The following ROBO4 variants were observed in gnomAD, a reference collection of about 807,000 sequenced individuals.
ROBO4 encodes the protein roundabout homolog 4.
Under a neutral mutation model 103.3 loss-of-function variants are expected in ROBO4, and 80 were observed. The ratio of observed to expected loss-of-function variants is 0.77; its 90% CI spans 0.65 to 0.93. The LOEUF (loss-of-function observed/expected upper bound fraction) is 0.93, where lower values mean the gene tolerates loss of function less well. Among genes scored for constraint, ROBO4 ranks in the 40% least tolerant of loss-of-function variants. The probability of loss-of-function intolerance (pLI) is 0.00; values close to 1 mark genes in which losing one functional copy is unlikely to be tolerated. For missense variants in ROBO4, 1,333 were observed against 1,305.3 expected, an observed-to-expected ratio of 1.02 and a Z score of -0.33; for synonymous variants, 504 against 529.7, an observed-to-expected ratio of 0.95 and a Z score of 0.67.
chr11:124,895,830 A>C lies in ROBO4; in HGVS notation c.762T>G (p.Pro254=), dbSNP rs1375376243. 4 of 1,614,130 alleles carry C rather than the reference A, an allele frequency of 2.5e-6. No homozygotes were observed. The change falls in exon 5 of 18, where the codon CCT becomes CCG. Residue 254 remains proline (P), a synonymous_variant. Transcript: ENST00000306534. ...LENVTLLNPD[P]AEGPKPRPAV... ...CCGGTCTAGGCTTGGGGCCCTCTGC[A>C]GGATCCGGGTTCAGCAGTGTCACAT...
Position 124,887,099 on chromosome 11 carries a change from G to A in ROBO4, c.2313C>T (p.Ser771=), listed in dbSNP as rs754650509. The A allele has an allele frequency of 1.1e-5, 18 of 1,613,726 alleles. No individual in the cohort carries two copies. In the East Asian group the frequency reaches 3.3e-4, roughly 30 times the overall value. ...AGCTGGACAGGCGACTGGAAGCTGG[G>A]CTGGGGCCAGAGAGGGAAGAGGCCT... ...SPQASSLSGP[S]PASSRLSSSS... is the part of the protein sequence containing the mutation. Residue 771 remains serine, a synonymous_variant, in exon 15 of 18, where the codon AGC becomes AGT. Coordinates refer to ENST00000306534, the MANE Select transcript of ROBO4 (RefSeq NM_019055.6).
intron 1 of ROBO4, 103 bp downstream of exon 1, chr11:124,897,622 TG>T: frequency 1.1e-6 from 1 of 938,048 alleles, no homozygotes; most frequent in Non-Finnish European, 1.7e-6. Flanking sequence ...TCCTCATCTC[TG>T]GTCCCCCCAC....
chr11:124,890,932 C>G (rs996039489), intron 12 of ROBO4, among the ~76,000 whole-genome samples: 1 of 152,230 alleles, frequency 6.6e-6, no homozygotes, highest in Non-Finnish European at 1.5e-5. Flanking sequence ...TCAACACTTT[C>G]GTTAGACAGG....
Position 124,894,255 on chromosome 11 carries a change from C to T in ROBO4, c.1264G>A (p.Ala422Thr), listed in dbSNP as rs1294053683. 5.0e-6 allele frequency: 8 copies of T among 1,613,934 alleles called. No homozygotes were observed. The highest frequency in any genetic ancestry group is 1.1e-5 in the South Asian group (1 of 91,076). Reference protein sequence around the residue: ...MPGSYCVQVAAVTGAGAGEPS... With the variant: ...MPGSYCVQVATVTGAGAGEPS... ...TCCCCAGCTCCAGCACCAGTGACTG[C>T]AGCCACTTGCACGCAGTAGGAGCCT... The change falls in exon 8 of 18, where the codon GCA (alanine) becomes ACA (threonine). Residue 422 changes from alanine to threonine, a missense_variant. By Grantham distance (58) the Ala-to-Thr change is moderately conservative (BLOSUM62 0). Transcript: ENST00000306534.
In ROBO4 at chr11:124,895,242, T is replaced by A. The variant is rs759651674; in HGVS notation, c.1037-49A>T. 5.5e-6 allele frequency: 8 copies of A among 1,445,370 alleles called. No individual in the cohort carries two copies. The South Asian group carries it at 8.1e-5, about 15-fold the overall frequency. 89.5% of individuals were successfully genotyped at this position (1,445,370 alleles called of 1,614,324 possible). On this transcript the variant is annotated intron_variant, in intron 6 of 17. Transcript: ENST00000306534. ...TGAGGGGCTCTGAGGGAGAGGACTC[T>A]AGGGAAAGGAGCTGGGCTGGGGGAC... is the stretch of plus-strand genomic sequence containing the variant.
rs752482331 is a variant in ROBO4 at position 124,887,191 on chromosome 11, G to C, written c.2221C>G (p.Pro741Ala). The C allele has an allele frequency of 6.3e-7, 1 of 1,597,516 alleles. No homozygotes were observed. The highest frequency in any genetic ancestry group is 2.2e-5 in the East Asian group (1 of 44,636). ...QTQPPVAPQA[P>A]SSILLPAAPI... ...GCTGCTGGCAGCAGGATGGAGGAGG[G>C]AGCCTGTGGTGCCACCGGAGGCCTG... The change falls in exon 15 of 18, where the codon CCC becomes GCC. Residue 741 changes from proline (P) to alanine (A), a missense_variant. Physicochemically the swap from Pro to Ala is conservative, Grantham distance 27 (BLOSUM62 -1). Transcript: ENST00000306534.
Position 124,891,582 on chromosome 11 carries a change from A to G in ROBO4, c.1685-20T>C. ...AGAGCACTGTGACATAAATGACAGG[A>G]GGAATTATGGTGAGCATGTCCTGCT... On this transcript the variant is annotated intron_variant, in intron 11 of 17. Transcript: ENST00000306534. The G allele has an allele frequency of 6.2e-7, 1 of 1,614,200 alleles. No homozygotes were observed. The highest frequency in any genetic ancestry group is 8.5e-7 in the Non-Finnish European group (1 of 1,180,028).
intron 10 of ROBO4, 86 bp from the exon 11 acceptor site, chr11:124,891,888 G>A (rs1946805669): frequency 1.4e-6 from 2 of 1,436,336 alleles, no homozygotes; most frequent in Non-Finnish European, 1.9e-6. Flanking sequence ...TTCAGAGGCA[G>A]CAGAAGAGGG....
rs1268264224 is a variant in ROBO4, at chr11:124,887,452, G to A, written c.2104C>T (p.Leu702Phe). The part of the protein sequence containing the change: ...LVAWRALGPK[L>F]LSSSNELVTR... Reference sequence around the variant, plus strand: ...ACCAGCTCATTTGAGGAGCTGAGGAGTTTCGGTCCCAGGGCCCGCCAGGCA... The same window carrying A: ...ACCAGCTCATTTGAGGAGCTGAGGAATTTCGGTCCCAGGGCCCGCCAGGCA... Residue 702 changes from leucine to phenylalanine, a missense_variant, in exon 14 of 18, where the codon CTC becomes TTC. Transcript: ENST00000306534. 28 of 1,614,034 alleles carry A rather than the reference G, an allele frequency of 1.7e-5. No individual in the cohort carries two copies. The highest frequency in any genetic ancestry group is 3.3e-5 in the Admixed American group (2 of 60,016).
chr11:124,885,325 AC>A, intron 16 of ROBO4, 78 bp from the exon 17 acceptor site: 1 of 1,251,442 alleles, frequency 8.0e-7, no homozygotes, highest in Non-Finnish European at 1.1e-6. Flanking sequence ...AAAGCTTAGG[AC>A]CAGCTCAGGG....
chr11:124,886,111 A>G (rs145096709), intron 16 of ROBO4, among the ~76,000 whole-genome samples: 3,269 of 152,296 alleles, frequency 0.021, 53 homozygotes, highest in Middle Eastern at 0.031. Context: ...GAATCTCTTG[A>G]ACCTGGGAGG....
chr11:124,893,022 A>C (rs1946823277), intron 10 of ROBO4: 1 of 154,154 alleles, frequency 6.5e-6, no homozygotes, highest in Non-Finnish European at 1.4e-5. Context: ...GCAGACCTGG[A>C]GTGGGAAGCC....
chr11:124,897,709 G>T lies in ROBO4; in HGVS notation c.70+17C>A. ...TTGGATGGAGGAGCATGGGCCAGGA[G>T]AGGGAGAGCAACTCACCCATGATGA... On this transcript the variant is annotated intron_variant, in intron 1 of 17. Transcript: ENST00000306534. 6.2e-7 allele frequency: 1 copy of T among 1,612,112 alleles called. No individual in the cohort carries two copies. Among genetic ancestry groups the T allele is most frequent in the South Asian group, 1.1e-5 (1 of 91,028 alleles).
At position 124,884,884 on chromosome 11, in the gene ROBO4, A is replaced by G; in HGVS notation, c.*7T>C. On this transcript the variant is annotated 3_prime_UTR_variant, in exon 18 of 18. Transcript: ENST00000306534. ...GATTCCCGTCTGGGAAGTCTCAGGG[A>G]CACGGTTCAGGAGTAATCTACAGGA... 1 of 1,614,194 alleles carries G rather than the reference A, an allele frequency of 6.2e-7. No individual in the cohort carries two copies. Among genetic ancestry groups the G allele is most frequent in the Non-Finnish European group, 8.5e-7 (1 of 1,180,028 alleles).
rs1407892374 is a variant in ROBO4, at chr11:124,885,248, C to A, written c.2795-1G>T. 1 of 1,609,090 alleles carries A rather than the reference C, an allele frequency of 6.2e-7. No homozygotes were observed. The highest frequency in any genetic ancestry group is 1.1e-5 in the South Asian group (1 of 91,056). ...CGTGGGGAGGGAGGTGATGAGGCAT[C>A]TGTCAGGGAGGGTAGAGGTGTCTGT... On this transcript the variant is annotated splice_acceptor_variant, in intron 16 of 17. Transcript: ENST00000306534. LOFTEE classifies it high-confidence loss of function.
In ROBO4 at chr11:124,896,309, C is replaced by T. The variant is rs949158324; in HGVS notation, c.568G>A (p.Gly190Arg). Reference sequence around the variant, plus strand: ...TCTGCTCTTGCCATCAGCAGGGACCCCCCGGACACCTGTCAGGGCCAGGTT... The same window carrying T: ...TCTGCTCTTGCCATCAGCAGGGACCTCCCGGACACCTGTCAGGGCCAGGTT... ...LQPGRHTVSG[G>R]SLLMARAEKS... Residue 190 changes from glycine (G) to arginine (R), a missense_variant, in exon 4 of 18, where the codon GGG becomes AGG. Coordinates refer to ENST00000306534, the MANE Select transcript of ROBO4 (RefSeq NM_019055.6). The T allele has an allele frequency of 1.2e-6, 2 of 1,614,054 alleles. No individual in the cohort carries two copies. The highest frequency in any genetic ancestry group is 1.1e-5 in the South Asian group (1 of 91,080).
At chr11:124,891,210 C>G in intron 12 of ROBO4, 89 bp downstream of exon 12, 1 of 1,450,592 alleles carries the variant, frequency 6.9e-7, no homozygotes, top group Non-Finnish European at 9.1e-7. Flanking sequence ...GCACGCCCCT[C>G]CAGGCTTTGA....
Position 124,887,218 on chromosome 11 carries a change from T to C in ROBO4, c.2199-5A>G, listed in dbSNP as rs781630185. 1.9e-6 allele frequency: 3 copies of C among 1,587,858 alleles called. No individual in the cohort carries two copies. Among genetic ancestry groups the C allele is most frequent in the Non-Finnish European group, 2.6e-6 (3 of 1,165,820 alleles). On this transcript the variant is annotated splice_polypyrimidine_tract_variant and splice_region_variant and intron_variant, in intron 14 of 17. Transcript: ENST00000306534. Reference sequence around the variant, plus strand: ...GCCTGTGGTGCCACCGGAGGCCTGATTTGCGGGAGAGAGTGATGGCACCGT... The same window carrying C: ...GCCTGTGGTGCCACCGGAGGCCTGACTTGCGGGAGAGAGTGATGGCACCGT...
At position 124,891,361 on chromosome 11, in the gene ROBO4, C is replaced by T. The variant is rs372455722; in HGVS notation, c.1886G>A (p.Gly629Glu). The change falls in exon 12 of 18, where the codon GGA (glycine) becomes GAA (glutamate). Residue 629 changes from glycine (G) to glutamate (E), a missense_variant. Gly to Glu is a moderately conservative substitution (Grantham distance 98). Coordinates refer to ENST00000306534, the MANE Select transcript of ROBO4 (RefSeq NM_019055.6). Reference protein sequence around the residue: ...SSSDSLCSRRGLSSPRLSLAP... With the variant: ...SSSDSLCSRRELSSPRLSLAP... ...CAGAGACAAGCGGGGAGAAGAGAGT[C>T]CCCTGCGGCTGCAGAGGCTGTCTGA... 56 of 1,548,316 alleles carry T rather than the reference C, an allele frequency of 3.6e-5. No homozygotes were observed. In the East Asian group the frequency reaches 9.5e-4, roughly 26 times the overall value.
Sources: gnomAD v4.1 joint callset for allele counts (sites outside exome capture counted in the v4.1 genomes callset) on GRCh38, gnomAD v4.1.1 for gene constraint, MANE v1.5 for transcripts, NCBI Gene and HGNC (gene_info 2026-07-23, HGNC 2026-07-21) for gene names.